The following L3MBTL4 variants were observed in gnomAD, a reference collection of about 807,000 sequenced individuals.
The protein encoded by L3MBTL4 is lethal(3)malignant brain tumor-like protein 4.
A neutral mutation model predicts 84.5 loss-of-function variants in L3MBTL4; 70 were observed. That is an observed-to-expected ratio of 0.83 (90% CI 0.68 to 1.01). The LOEUF is 1.01. Ranked by LOEUF, L3MBTL4 falls within the 50% of genes least tolerant of loss-of-function variation. The pLI, the probability that L3MBTL4 is intolerant of heterozygous loss-of-function variation, is 0.00. For synonymous variants in L3MBTL4, 274 were observed against 259.8 expected (o/e 1.05, Z -0.52); for missense variants, 715 against 754.8 (o/e 0.95, Z 0.62).
chr18:6,175,041 C>A (rs113845012), intron 12 of L3MBTL4, among the ~76,000 whole-genome samples: 8 of 152,046 alleles, frequency 5.3e-5, no homozygotes, highest in Admixed American at 1.3e-4. Flanking sequence ...AACAAAAAAT[C>A]TCCCTAATTT....
intron 16 of L3MBTL4, among the ~76,000 whole-genome samples, chr18:6,061,213 G>C (rs1239851658): frequency 6.6e-5 from 10 of 152,018 alleles, no homozygotes; most frequent in Non-Finnish European, 1.5e-4. Context: ...AGGTTTTGTA[G>C]TGGTATCTCA....
At chr18:6,324,899 T>G (rs1436029074) in intron 1 of L3MBTL4, among the ~76,000 whole-genome samples, 1 of 152,164 alleles carries the variant, frequency 6.6e-6, no homozygotes, top group Non-Finnish European at 1.5e-5. Flanking sequence ...CCAAAATTTA[T>G]GAAAAGTTGC....
chr18:6,287,428 C>T (rs980021624), intron 4 of L3MBTL4, among the ~76,000 whole-genome samples: 1 of 152,250 alleles, frequency 6.6e-6, no homozygotes, highest in African/African-American at 2.4e-5. Flanking sequence ...TCCTAAAATC[C>T]TAAAATTTCT....
chr18:6,236,260 T>G (rs970597843), intron 10 of L3MBTL4, among the ~76,000 whole-genome samples: 3 of 152,168 alleles, frequency 2.0e-5, no homozygotes, highest in Non-Finnish European at 2.9e-5. Flanking sequence ...GAAAAAGAAC[T>G]GAGGGACCTG....
chr18:6,338,029 A>G (rs1174814451), intron 1 of L3MBTL4, among the ~76,000 whole-genome samples: 2 of 152,098 alleles, frequency 1.3e-5, no homozygotes, highest in Non-Finnish European at 2.9e-5. Context: ...AAACCAAAAA[A>G]ACCCTAAGTA....
chr18:6,338,814 C>T (rs1202980414), intron 1 of L3MBTL4, among the ~76,000 whole-genome samples: 1 of 151,606 alleles, frequency 6.6e-6, no homozygotes, highest in Non-Finnish European at 1.5e-5. Flanking sequence ...AAAGACATAC[C>T]ATGAAAAAAA....
At chr18:6,364,887 C>CA (rs1429241952) in intron 1 of L3MBTL4, among the ~76,000 whole-genome samples, 2 of 151,634 alleles carry the variant, frequency 1.3e-5, no homozygotes, top group African/African-American at 4.8e-5. Flanking sequence ...AGCAGCTACA[C>CA]AAAAAATGGA....
At chr18:6,320,122 A>C (rs116199855) in intron 1 of L3MBTL4, among the ~76,000 whole-genome samples, 2,384 of 152,154 alleles carry the variant, frequency 0.016, 60 homozygotes, top group African/African-American at 0.054. Flanking sequence ...CCCTCAACAA[A>C]CTAGACATAG....
chr18:6,334,893 C>T (rs931888314), intron 1 of L3MBTL4, among the ~76,000 whole-genome samples: 6 of 152,032 alleles, frequency 3.9e-5, no homozygotes, highest in Non-Finnish European at 8.8e-5. Context: ...TAAATAAGAT[C>T]ATTAAATATA....
intron 16 of L3MBTL4, among the ~76,000 whole-genome samples, chr18:5,999,528 T>C (rs2054124576): frequency 6.6e-6 from 1 of 152,244 alleles, no homozygotes; most frequent in South Asian, 2.1e-4. Flanking sequence ...CATGTTTTTC[T>C]ATTAAAGTCA....
chr18:6,230,046 C>T (rs1345081451), intron 10 of L3MBTL4, among the ~76,000 whole-genome samples: 2 of 152,122 alleles, frequency 1.3e-5, no homozygotes, highest in South Asian at 4.1e-4. Flanking sequence ...TAAGTTGAAT[C>T]TGCTTATATC....
chr18:6,288,228 A>G (rs61681698), intron 4 of L3MBTL4, among the ~76,000 whole-genome samples: 29,020 of 152,212 alleles, frequency 0.19, 2,920 homozygotes, highest in African/African-American at 0.25. Flanking sequence ...ATGTGTTTAT[A>G]CATATGTAAA....
At chr18:6,132,565 C>T (rs931190390) in intron 14 of L3MBTL4, among the ~76,000 whole-genome samples, 1 of 152,214 alleles carries the variant, frequency 6.6e-6, no homozygotes, top group African/African-American at 2.4e-5. Context: ...TTCAGTATTT[C>T]ATTTTTTTCT....
intron 16 of L3MBTL4, among the ~76,000 whole-genome samples, chr18:6,038,762 C>T (rs186955055): frequency 6.6e-6 from 1 of 152,284 alleles, no homozygotes; most frequent in East Asian, 1.9e-4. Context: ...GTCTTTGCCT[C>T]ATAAATAATT....
intron 16 of L3MBTL4, among the ~76,000 whole-genome samples, chr18:6,071,722 AAAGAAGGAAAG>A: frequency 8.0e-6 from 1 of 125,290 alleles, no homozygotes; most frequent in East Asian, 3.0e-4. Context: ...AGAAGGAAAG[AAAGAAGGAAAG>A]AAAGAAGGAA....
At chr18:6,379,243 C>A (rs535092591) in intron 1 of L3MBTL4, among the ~76,000 whole-genome samples, 2 of 152,252 alleles carry the variant, frequency 1.3e-5, no homozygotes, top group South Asian at 4.1e-4. Context: ...TTTCTAAATA[C>A]ACAATCATGT....
intron 13 of L3MBTL4, among the ~76,000 whole-genome samples, chr18:6,166,690 G>A (rs2043677266): frequency 6.6e-6 from 1 of 151,890 alleles, no homozygotes; most frequent in African/African-American, 2.4e-5. Context: ...TGTGTAGAGG[G>A]AAACTTATAG....
At chr18:5,972,503 A>T (rs1487326459) in intron 16 of L3MBTL4, among the ~76,000 whole-genome samples, 1 of 152,178 alleles carries the variant, frequency 6.6e-6, no homozygotes, top group Non-Finnish European at 1.5e-5. Context: ...AGTGGCAGGT[A>T]CTACTTTAAC....
At chr18:5,966,726 G>C (rs1346547345) in intron 17 of L3MBTL4, among the ~76,000 whole-genome samples, 2 of 151,704 alleles carry the variant, frequency 1.3e-5, no homozygotes, top group African/African-American at 4.8e-5. Flanking sequence ...CCCCAAACTG[G>C]ACTTTGCCCC....
Sources: allele counts gnomAD v4.1 joint callset (sites outside exome capture counted in the v4.1 genomes callset), GRCh38; gene constraint gnomAD v4.1.1; transcripts MANE v1.5; gene names NCBI Gene and HGNC (gene_info 2026-07-23, HGNC 2026-07-21).